Variants in LSP1 observed in about 807,000 individuals in gnomAD.
LSP1 encodes the protein lymphocyte specific protein 1.
Under a neutral mutation model 49.3 loss-of-function variants are expected in LSP1, and 32 were observed. The ratio of observed to expected loss-of-function variants is 0.65; its 90% CI spans 0.49 to 0.87. The LOEUF (loss-of-function observed/expected upper bound fraction) is 0.87. Among genes scored for constraint, LSP1 ranks in the 40% least tolerant of loss-of-function variants. LSP1 has a pLI of 0.00. For synonymous variants in LSP1, 179 were observed against 178.8 expected, an observed-to-expected ratio of 1.00 and a Z score of -0.01; for missense variants, 428 against 442.6, an observed-to-expected ratio of 0.97 and a Z score of 0.30.
rs552824762 is a variant in LSP1 at position 1,875,146 on chromosome 11, T to G, written c.54-4941T>G. Reference sequence around the variant, plus strand: ...CGGCCCCTGCCAGCTTCTGGCTGTCTGTGTCGCCCCCAGCACTGGGCTGGT... The same window carrying G: ...CGGCCCCTGCCAGCTTCTGGCTGTCGGTGTCGCCCCCAGCACTGGGCTGGT... On this transcript the variant is annotated intron_variant, in intron 1 of 10. Coordinates refer to ENST00000311604, the MANE Select transcript of LSP1 (RefSeq NM_002339.3). Among the ~76,000 whole-genome samples, 4 of 149,144 alleles carry G rather than the reference T, an allele frequency of 2.7e-5. No individual in the cohort carries two copies. The South Asian group carries it at 8.3e-4, about 31-fold the overall frequency.
At chr11:1,870,408 T>A (rs1847948696) in intron 1 of LSP1, 1 of 1,226,382 alleles carries the variant, frequency 8.2e-7, no homozygotes, top group Non-Finnish European at 1.1e-6. Flanking sequence ...TGCTCTGCCA[T>A]GTCTTCCCTG....
intron 1 of LSP1, chr11:1,870,930 C>CGG: frequency 1.0e-6 from 1 of 985,732 alleles, no homozygotes; most frequent in Non-Finnish European, 1.2e-6. Context: ...TCCCGAGGGC[C>CGG]GTCGAGCAAA....
chr11:1,863,491 G>A (rs533554931), intron 1 of LSP1: 1 of 152,436 alleles, frequency 6.6e-6, no homozygotes, highest in South Asian at 2.1e-4. Flanking sequence ...TGTGACCTTG[G>A]ATGCCAGTGC....
intron 1 of LSP1, among the ~76,000 whole-genome samples, chr11:1,861,932 T>C: frequency 9.3e-6 from 1 of 107,374 alleles, no homozygotes; most frequent in African/African-American, 3.6e-5. Flanking sequence ...GATGGATGGA[T>C]TGATGAGTGG....
In LSP1 at chr11:1,889,135, T is replaced by A. The variant is rs1415523527; in HGVS notation, c.*13+1559T>A. Reference sequence around the variant, plus strand: ...CATGGTCCTGGGCTCTGGGGGCCATTCTGGCCACTTCACTGGAGCCTCCAG... The same window carrying A: ...CATGGTCCTGGGCTCTGGGGGCCATACTGGCCACTTCACTGGAGCCTCCAG... On this transcript the variant is annotated intron_variant, in intron 10 of 10. Transcript: ENST00000311604. The A allele has an allele frequency of 2.3e-5, 15 of 639,892 alleles. No homozygotes were observed. In the South Asian group the frequency reaches 2.7e-4, roughly 11 times the overall value. 39.6% of individuals were successfully genotyped at this position (639,892 alleles called of 1,614,324 possible). A position where few individuals can be genotyped will look rare whatever the true frequency, so the allele number is the denominator to read the frequency against.
At position 1,871,206 on chromosome 11, in the gene LSP1, GA is replaced by G. The variant is rs1396312730; in HGVS notation, c.54-8880del. Reference sequence around the variant, plus strand: ...ATATGCACAGCACGCAGAACAGGAGGAGGGGGGAAGAAAGAGCAGGCACGGG... The same window carrying G: ...ATATGCACAGCACGCAGAACAGGAGGGGGGGGAAGAAAGAGCAGGCACGGG... On this transcript the variant is annotated intron_variant, in intron 1 of 10. Coordinates refer to ENST00000311604, the MANE Select transcript of LSP1 (RefSeq NM_002339.3). 1.2e-5 allele frequency: 12 copies of G among 986,216 alleles called. No homozygotes were observed. In the South Asian group the frequency reaches 3.3e-4, roughly 27 times the overall value. 61.1% of individuals were successfully genotyped at this position (986,216 alleles called of 1,614,324 possible). A position where few individuals can be genotyped will look rare whatever the true frequency, so the allele number is the denominator to read the frequency against.
chr11:1,864,939 AAGG>A (rs1247229635), intron 1 of LSP1, among the ~76,000 whole-genome samples: 4 of 152,042 alleles, frequency 2.6e-5, no homozygotes, highest in Non-Finnish European at 5.9e-5. Flanking sequence ...TCACAGGGAC[AAGG>A]AGAACACCAG....
chr11:1,866,582 C>T lies in LSP1; in HGVS notation c.53+13385C>T, dbSNP rs750992011. On this transcript the variant is annotated intron_variant, in intron 1 of 10. Transcript: ENST00000311604. ...CCTGGCTGGGCACACCTCATCCCAG[C>T]CTCCCCCTACCCCTGGCCCCCCATA... 3.2e-6 allele frequency: 5 copies of T among 1,549,330 alleles called. No homozygotes were observed. The African/African-American group carries it at 5.5e-5, about 17-fold the overall frequency.
At chr11:1,883,712 C>A in intron 4 of LSP1, 152 bp downstream of exon 4, 1 of 1,088,406 alleles carries the variant, frequency 9.2e-7, no homozygotes, top group Non-Finnish European at 1.3e-6. Flanking sequence ...TCTGGGCCCA[C>A]ATTCTCAGAG....
chr11:1,877,593 T>C (rs1211493478), intron 1 of LSP1, among the ~76,000 whole-genome samples: 1 of 152,170 alleles, frequency 6.6e-6, no homozygotes, highest in Non-Finnish European at 1.5e-5. Context: ...CAGTCAACGT[T>C]TGCCTCACTA....
intron 1 of LSP1, chr11:1,869,879 C>A: frequency 2.2e-6 from 1 of 448,232 alleles, no homozygotes; most frequent in Non-Finnish European, 4.6e-6. Context: ...GGACCCTCCA[C>A]TCACATTCAG....
Position 1,884,115 on chromosome 11 carries a change from G to C in LSP1, c.591+91G>C, listed in dbSNP as rs1355583801. 31 of 1,471,954 alleles carry C rather than the reference G, an allele frequency of 2.1e-5. No homozygotes were observed. The highest frequency in any genetic ancestry group is 2.9e-5 in the Non-Finnish European group (31 of 1,061,810). The allele number at this position is 1,471,954 out of a possible 1,614,324, so 91.2% of individuals were successfully genotyped here. A position where few individuals can be genotyped will look rare whatever the true frequency, so the allele number is the denominator to read the frequency against. On this transcript the variant is annotated intron_variant, in intron 5 of 10. Transcript: ENST00000311604. The surrounding 1 kb of genome is among the most constrained non-coding windows in gnomAD (Gnocchi z 4.1). ...CCACATGCCAGCCACAGGAAGACCA[G>C]GCCCAGGCCTGGCTTTTGTCTGCTA...
At chr11:1,856,224 C>T (rs143340315) in intron 1 of LSP1, among the ~76,000 whole-genome samples, 1 of 152,348 alleles carries the variant, frequency 6.6e-6, no homozygotes, top group Non-Finnish European at 1.5e-5. Context: ...AGTCTGTTCC[C>T]CATGAGCGAC....
intron 1 of LSP1, chr11:1,876,483 C>A: frequency 1.0e-6 from 1 of 985,654 alleles, no homozygotes; most frequent in Non-Finnish European, 1.2e-6. Context: ...ACCAGAGCCT[C>A]CTCACTCCCC....
chr11:1,859,366 C>G (rs7929314), intron 1 of LSP1: 41,837 of 152,276 alleles, frequency 0.27, 6,427 homozygotes, highest in Middle Eastern at 0.35. Context: ...CTCTCCTGCT[C>G]CATCCCTGGC....
At position 1,880,046 on chromosome 11, in the gene LSP1, T is replaced by C. The variant is rs202243311; in HGVS notation, c.54-41T>C. On this transcript the variant is annotated intron_variant, in intron 1 of 10. Coordinates refer to ENST00000311604, the MANE Select transcript of LSP1 (RefSeq NM_002339.3). Reference sequence around the variant, plus strand: ...AGGAATGGGTGCAAAACAGCACCTGTGTCGGCTGTGGCGTGACTGTCCCTC... The same window carrying C: ...AGGAATGGGTGCAAAACAGCACCTGCGTCGGCTGTGGCGTGACTGTCCCTC... 6,265 of 1,603,238 alleles carry C rather than the reference T, an allele frequency of 3.9e-3. 8 individuals carry two copies. The highest frequency in any genetic ancestry group is 4.9e-3 in the Non-Finnish European group (5,802 of 1,175,024).
chr11:1,879,080 C>T (rs1354248600), intron 1 of LSP1, among the ~76,000 whole-genome samples: 2 of 152,188 alleles, frequency 1.3e-5, no homozygotes, highest in African/African-American at 4.8e-5. Flanking sequence ...TGCGGTGGCT[C>T]ATCCCTGTAA....
intron 1 of LSP1, chr11:1,868,990 G>A (rs1017947581): frequency 1.3e-5 from 13 of 986,130 alleles, no homozygotes; most frequent in South Asian, 9.4e-5. Context: ...GGCAGAGGTC[G>A]GTGGACTGGG....
At chr11:1,863,867 C>T (rs753308926) in intron 1 of LSP1, among the ~76,000 whole-genome samples, 3 of 152,146 alleles carry the variant, frequency 2.0e-5, no homozygotes, top group Non-Finnish European at 2.9e-5. Flanking sequence ...GCGTTGGTGG[C>T]GTCTCTGCCT....
Sources: gnomAD v4.1 joint callset for allele counts (sites outside exome capture counted in the v4.1 genomes callset) on GRCh38, gnomAD v4.1.1 for gene constraint, Gnocchi (gnomAD v3.1) non-coding constraint, MANE v1.5 for transcripts, NCBI Gene and HGNC (gene_info 2026-07-23, HGNC 2026-07-21) for gene names.